Variants in ANGPTL2 observed in about 807,000 individuals in gnomAD.
The protein encoded by ANGPTL2 is angiopoietin like 2.
A neutral mutation model predicts 52.8 loss-of-function variants in ANGPTL2; 25 were observed. That is an observed-to-expected ratio of 0.47 (90% CI 0.35 to 0.66). The LOEUF (loss-of-function observed/expected upper bound fraction) is 0.66, where lower values mean the gene tolerates loss of function less well. Ranked by LOEUF, ANGPTL2 falls within the 30% of genes least tolerant of loss-of-function variation. The probability of loss-of-function intolerance (pLI) is 0.01; values close to 1 mark genes in which losing one functional copy is unlikely to be tolerated. For missense variants in ANGPTL2, 546 were observed against 656.9 expected (o/e 0.83, Z 1.84); for synonymous variants, 276 against 277.4 (o/e 1.00, Z 0.05).
chr9:127,088,518 T>A lies in ANGPTL2; in HGVS notation c.*421A>T, dbSNP rs2052044352. The A allele has an allele frequency of 5.4e-6, 1 of 185,850 alleles. No homozygotes were observed. Among genetic ancestry groups the A allele is most frequent in the Non-Finnish European group, 1.1e-5 (1 of 88,540 alleles). The allele number at this position is 185,850 out of a possible 1,614,324, so 11.5% of individuals were successfully genotyped here. On this transcript the variant is annotated 3_prime_UTR_variant, in exon 5 of 5. Coordinates refer to ENST00000373425, the MANE Select transcript of ANGPTL2 (RefSeq NM_012098.3). ...AACTGAATATATGTGTATTTAGGTA[T>A]CTAAGGCAAACCTATATATGGATCT...
intron 1 of ANGPTL2, among the ~76,000 whole-genome samples, chr9:127,120,295 G>A (rs1412004595): frequency 6.6e-6 from 1 of 152,214 alleles, no homozygotes; most frequent in African/African-American, 2.4e-5. Context: ...CCTTCCTCCT[G>A]TAAGGTTGGT....
chr9:127,089,152 G>T lies in ANGPTL2; in HGVS notation c.1283-14C>A, dbSNP rs764621885. ...GGGCACAGTTTCCTGCAAGAGAGAA[G>T]GCAGTGAGAGGGTGTCTGGGAGGAG... On this transcript the variant is annotated splice_polypyrimidine_tract_variant and intron_variant, in intron 4 of 4. Transcript: ENST00000373425. The T allele has an allele frequency of 1.2e-6, 2 of 1,613,720 alleles. No individual in the cohort carries two copies. The highest frequency in any genetic ancestry group is 1.7e-6 in the Non-Finnish European group (2 of 1,179,778).
chr9:127,087,404 T>C lies in ANGPTL2; in HGVS notation c.*1535A>G, dbSNP rs2051884538. The C allele has an allele frequency of 6.6e-6, 1 of 152,642 alleles. No individual in the cohort carries two copies. The highest frequency in any genetic ancestry group is 6.5e-5 in the Admixed American group (1 of 15,286). 9.5% of individuals were successfully genotyped at this position (152,642 alleles called of 1,614,324 possible). ...TCATTACAAGGATAATCTGGGAATA[T>C]ATTTTTAAAAAAACCCTCCCTTTTA... On this transcript the variant is annotated 3_prime_UTR_variant, in exon 5 of 5. Transcript: ENST00000373425.
chr9:127,102,000 T>G (rs1161579669), intron 2 of ANGPTL2, among the ~76,000 whole-genome samples: 1 of 152,136 alleles, frequency 6.6e-6, no homozygotes, highest in Non-Finnish European at 1.5e-5. Context: ...TCAGGCTTAT[T>G]TTCAGCATAA....
rs781486234 is a variant in ANGPTL2, at chr9:127,093,976, C to A, written c.818-50G>T. ...ATCACAGACCTGCCTGTCACCAGGC[C>A]GCACCCCCAGCTGCACCCCAAGCAG... On this transcript the variant is annotated intron_variant, in intron 2 of 4. Transcript: ENST00000373425. The A allele has an allele frequency of 7.0e-6, 11 of 1,578,728 alleles. No individual in the cohort carries two copies. The African/African-American group carries it at 1.5e-4, about 21-fold the overall frequency.
In ANGPTL2 at chr9:127,091,900, AG is replaced by A; in HGVS notation, c.1051del (p.Leu351TrpfsTer7). 1 of 1,614,110 alleles carries A rather than the reference AG, an allele frequency of 6.2e-7. No homozygotes were observed. ...GNIDGEYWLG[L>X]ENIYWLTNQG... is the part of the protein sequence containing the mutation. The stretch of plus-strand genomic sequence containing the variant: ...GTTCGTCAGCCAGTAAATGTTCTCC[AG>A]GCCCAGCCAGTATTCGCCGTCAATG... On this transcript the variant is annotated frameshift_variant, in exon 4 of 5. Transcript: ENST00000373425. LOFTEE classifies it high-confidence loss of function. This position sits in a 1 kb window ranked among gnomAD's most constrained non-coding sequence, Gnocchi z 4.3.
chr9:127,119,709 G>A (rs139924549), intron 1 of ANGPTL2, among the ~76,000 whole-genome samples: 1 of 152,228 alleles, frequency 6.6e-6, no homozygotes, highest in African/African-American at 2.4e-5. Context: ...TGCTCTGCCC[G>A]TGAGCTTCAG....
intron 1 of ANGPTL2, among the ~76,000 whole-genome samples, chr9:127,117,930 CTG>C (rs1457287282): frequency 6.6e-6 from 1 of 152,208 alleles, no homozygotes; most frequent in Non-Finnish European, 1.5e-5. Context: ...TACTGCCTGT[CTG>C]GACAACTAGG....
At position 127,088,699 on chromosome 9, in the gene ANGPTL2, G is replaced by T. The variant is rs922846437; in HGVS notation, c.*240C>A. 5.3e-6 allele frequency: 3 copies of T among 569,834 alleles called. No individual in the cohort carries two copies. The highest frequency in any genetic ancestry group is 3.7e-5 in the African/African-American group (2 of 53,398). 35.3% of individuals were successfully genotyped at this position (569,834 alleles called of 1,614,324 possible). On this transcript the variant is annotated 3_prime_UTR_variant, in exon 5 of 5. Coordinates refer to ENST00000373425, the MANE Select transcript of ANGPTL2 (RefSeq NM_012098.3). ...TTATTTAAAGAAAGAGTTGTCTGTAGTCCTGTCCTGTCCTGGAGACATGAG... is the reference window on the plus strand; with the variant it reads ...TTATTTAAAGAAAGAGTTGTCTGTATTCCTGTCCTGTCCTGGAGACATGAG...
In ANGPTL2 at chr9:127,094,008, C is replaced by CCT. The variant is rs2052814599; in HGVS notation, c.818-84_818-83dup. ...CCAGCTGCACCCCAAGCAGGCACAA[C>CCT]CTCTGTTGAGGCTCCAGCTGGGAGC... On this transcript the variant is annotated intron_variant, in intron 2 of 4. Transcript: ENST00000373425. 5 of 1,504,690 alleles carry CCT rather than the reference C, an allele frequency of 3.3e-6. No homozygotes were observed. In the East Asian group the frequency reaches 1.2e-4, roughly 35 times the overall value. 93.2% of individuals were successfully genotyped at this position (1,504,690 alleles called of 1,614,324 possible).
intron 1 of ANGPTL2, among the ~76,000 whole-genome samples, chr9:127,116,711 G>A (rs2055462663): frequency 6.6e-6 from 1 of 152,216 alleles, no homozygotes; most frequent in South Asian, 2.1e-4. Flanking sequence ...TGGCACCAGG[G>A]CCACCTTGGC....
intron 2 of ANGPTL2, among the ~76,000 whole-genome samples, chr9:127,097,339 G>T (rs935934200): frequency 1.3e-5 from 2 of 152,210 alleles, no homozygotes; most frequent in African/African-American, 4.8e-5. Flanking sequence ...ATCAAATTGT[G>T]TAGAAATGTT....
chr9:127,121,271 T>C (rs1351871148), intron 1 of ANGPTL2, among the ~76,000 whole-genome samples: 1 of 152,196 alleles, frequency 6.6e-6, no homozygotes, highest in Admixed American at 6.5e-5. Flanking sequence ...ATAAGAAAAC[T>C]GAGGTTTAGA....
At chr9:127,099,088 T>C (rs2053463325) in intron 2 of ANGPTL2, among the ~76,000 whole-genome samples, 1 of 152,202 alleles carries the variant, frequency 6.6e-6, no homozygotes, top group African/African-American at 2.4e-5. Context: ...AGCAGAGTCC[T>C]TCCTGCCCAC....
chr9:127,100,114 A>AT (rs1320878165), intron 2 of ANGPTL2, among the ~76,000 whole-genome samples: 1 of 152,200 alleles, frequency 6.6e-6, no homozygotes, highest in Non-Finnish European at 1.5e-5. Context: ...TGTAGGTTAG[A>AT]TTTTTTTCAC....
intron 1 of ANGPTL2, among the ~76,000 whole-genome samples, chr9:127,120,119 C>T (rs2055893256): frequency 6.6e-6 from 1 of 152,196 alleles, no homozygotes; most frequent in African/African-American, 2.4e-5. Flanking sequence ...TGGTGATGGC[C>T]ATTCCTTGCC....
intron 2 of ANGPTL2, among the ~76,000 whole-genome samples, chr9:127,107,283 C>G (rs532805283): frequency 1.3e-5 from 2 of 152,314 alleles, no homozygotes; most frequent in South Asian, 4.1e-4. Flanking sequence ...AGCTTTAAAA[C>G]CTGCCAGCAA....
chr9:127,101,217 A>G (rs2053691036), intron 2 of ANGPTL2, among the ~76,000 whole-genome samples: 1 of 152,236 alleles, frequency 6.6e-6, no homozygotes, highest in African/African-American at 2.4e-5. Context: ...TTCACCTGCC[A>G]TGTGCTTTGC....
intron 1 of ANGPTL2, among the ~76,000 whole-genome samples, chr9:127,113,249 G>A (rs1047564539): frequency 2.0e-5 from 3 of 152,140 alleles, no homozygotes; most frequent in Non-Finnish European, 2.9e-5. Flanking sequence ...AGGAACACAC[G>A]GCAGATAACA....
Sources: gnomAD v4.1 joint callset for allele counts (sites outside exome capture counted in the v4.1 genomes callset) on GRCh38, gnomAD v4.1.1 for gene constraint, Gnocchi (gnomAD v3.1) non-coding constraint, MANE v1.5 for transcripts, NCBI Gene and HGNC (gene_info 2026-07-23, HGNC 2026-07-21) for gene names.